APP: variants seen among roughly 807,000 people sequenced by gnomAD.
APP encodes the protein amyloid beta precursor protein.
In APP, 31 loss-of-function variants were observed where a neutral mutation model predicts 101.4. That is an observed-to-expected ratio of 0.31 (90% CI 0.23 to 0.41). The LOEUF (loss-of-function observed/expected upper bound fraction) is 0.41, where lower values mean the gene tolerates loss of function less well. APP is among the 10% of genes least tolerant of loss of function. APP has a pLI of 1.00. For synonymous variants in APP, 366 were observed against 364.4 expected (o/e 1.00, Z -0.05); for missense variants, 839 against 1,003.7 (o/e 0.84, Z 2.22).
intron 5 of APP, among the ~76,000 whole-genome samples, chr21:26,029,815 A>T (rs2044741522): frequency 6.6e-6 from 1 of 152,226 alleles, no homozygotes; most frequent in African/African-American, 2.4e-5. Flanking sequence ...TAAAAATGAC[A>T]GCAATATGTG....
intron 6 of APP, chr21:26,009,949 GT>G (rs1163582235): frequency 6.2e-6 from 1 of 161,104 alleles, no homozygotes; most frequent in Non-Finnish European, 1.4e-5. Context: ...TTCTGTTCCG[GT>G]TTAAAAAAAA....
At chr21:26,116,282 G>GA (rs1035551433) in intron 1 of APP, among the ~76,000 whole-genome samples, 18 of 151,938 alleles carry the variant, frequency 1.2e-4, no homozygotes, top group Non-Finnish European at 1.8e-4. Context: ...TTTGTTACCA[G>GA]AAAAAAAATA....
At position 25,954,590 on chromosome 21, in the gene APP, C is replaced by A; in HGVS notation, c.1687G>T (p.Asp563Tyr). ...AVAEEIQDEV[D>Y]ELLQKEQNYS... ...AGCATCAAAAGAACAGCTTACTTAC[C>A]AACTTCATCCTGAATCTCCTCGGCC... Residue 563 changes from aspartate to tyrosine, a missense_variant and splice_region_variant, in exon 13 of 18, where the codon GAT becomes TAT. Transcript: ENST00000346798. 1 of 1,612,128 alleles carries A rather than the reference C, an allele frequency of 6.2e-7. No individual in the cohort carries two copies.
At chr21:26,035,744 C>T (rs943901656) in intron 5 of APP, among the ~76,000 whole-genome samples, 59 of 152,136 alleles carry the variant, frequency 3.9e-4, no homozygotes, top group African/African-American at 1.3e-3. Context: ...AAGAAAGCAG[C>T]GCATGTGTCA....
chr21:25,911,660 A>T (rs2039075011), intron 14 of APP, 81 bp downstream of exon 14: 2 of 1,287,514 alleles, frequency 1.6e-6, no homozygotes, highest in Non-Finnish European at 2.2e-6. Context: ...CATACAAAAG[A>T]TAACTCTCTC....
At chr21:25,983,788 C>T (rs1490453847) in intron 8 of APP, among the ~76,000 whole-genome samples, 1 of 152,174 alleles carries the variant, frequency 6.6e-6, no homozygotes, top group Non-Finnish European at 1.5e-5. Flanking sequence ...TGCCTTTACA[C>T]AGCTGCCCCT....
Position 26,135,594 on chromosome 21 carries a change from T to C in APP, c.58-23448A>G, listed in dbSNP as rs145046885. Among the ~76,000 whole-genome samples, 971 of 152,268 alleles carry C rather than the reference T, an allele frequency of 6.4e-3. 5 individuals carry two copies. Among genetic ancestry groups the C allele is most frequent in the Non-Finnish European group, 1.0e-2 (678 of 68,010 alleles). ...AATTATATACAGAAGGCAGCACATT[T>C]AGCCTTATTATCTCAAACTCATTCC... is the stretch of plus-strand genomic sequence containing the variant. On this transcript the variant is annotated intron_variant, in intron 1 of 17. Coordinates refer to ENST00000346798, the MANE Select transcript of APP (RefSeq NM_000484.4).
At chr21:26,010,820 C>CAAAAAAAAAAAAAAAAAAAAAAAAAAA (rs58036272) in intron 6 of APP, among the ~76,000 whole-genome samples, 1 of 54,842 alleles carries the variant, frequency 1.8e-5, no homozygotes, top group African/African-American at 7.1e-5. Flanking sequence ...GACTTCGTCT[C>CAAAAAAAAAAAAAAAAAAAAAAAAAAA]AAAAAAAAAA....
chr21:25,893,989 T>A (rs1001491205), intron 16 of APP, among the ~76,000 whole-genome samples: 1 of 152,198 alleles, frequency 6.6e-6, no homozygotes, highest in Non-Finnish European at 1.5e-5. Context: ...AAGCCAAGAC[T>A]GACCATTGTA....
intron 1 of APP, among the ~76,000 whole-genome samples, chr21:26,152,472 T>C (rs905399712): frequency 3.3e-5 from 5 of 151,900 alleles, no homozygotes; most frequent in Admixed American, 6.6e-5. Context: ...TAGTATGAGA[T>C]TTAATGTTAA....
At chr21:25,989,340 T>C (rs962001212) in intron 8 of APP, among the ~76,000 whole-genome samples, 1 of 152,224 alleles carries the variant, frequency 6.6e-6, no homozygotes, top group African/African-American at 2.4e-5. Context: ...TTCATATTCA[T>C]ACTAATGTGG....
chr21:25,988,734 ATG>A (rs2042741545), intron 8 of APP, among the ~76,000 whole-genome samples: 7 of 146,594 alleles, frequency 4.8e-5, no homozygotes, highest in African/African-American at 1.3e-4. Flanking sequence ...GGAGACAAAG[ATG>A]AAGGTGGCTT....
At chr21:25,909,195 A>G (rs1014901432) in intron 14 of APP, among the ~76,000 whole-genome samples, 4 of 149,784 alleles carry the variant, frequency 2.7e-5, no homozygotes, top group Non-Finnish European at 5.9e-5. Flanking sequence ...CCTGGGAGGC[A>G]GAGTTTGCAG....
intron 1 of APP, among the ~76,000 whole-genome samples, chr21:26,138,661 C>A (rs1265555031): frequency 6.6e-6 from 1 of 151,978 alleles, no homozygotes; most frequent in Non-Finnish European, 1.5e-5. Context: ...CCATGGCACT[C>A]CATCCTGGGT....
rs548084636 is a variant in APP, at chr21:26,090,843, T to A, written c.226-771A>T. ...AAGTAATTTACATGAAAATAACTTA[T>A]CGAAAAGTTATCAAGGGTGTCATTT... is the stretch of plus-strand genomic sequence containing the variant. On this transcript the variant is annotated intron_variant, in intron 2 of 17. Coordinates refer to ENST00000346798, the MANE Select transcript of APP (RefSeq NM_000484.4). 2.4e-4 allele frequency among the ~76,000 whole-genome samples: 36 copies of A among 152,330 alleles called. 1 individual carries two copies. The highest frequency in any genetic ancestry group is 8.7e-4 in the African/African-American group (36 of 41,580).
chr21:25,993,124 G>C (rs2042933417), intron 8 of APP, among the ~76,000 whole-genome samples: 1 of 152,128 alleles, frequency 6.6e-6, no homozygotes, highest in Non-Finnish European at 1.5e-5. Context: ...TTGGAACCTG[G>C]GGATGGAACT....
intron 1 of APP, among the ~76,000 whole-genome samples, chr21:26,150,295 T>C (rs948958251): frequency 7.2e-5 from 11 of 152,064 alleles, no homozygotes; most frequent in Admixed American, 2.0e-4. Context: ...GTTATTTCAA[T>C]AAGGTTTGTT....
chr21:25,914,977 A>C (rs906837453), intron 13 of APP, among the ~76,000 whole-genome samples: 2 of 152,144 alleles, frequency 1.3e-5, no homozygotes, highest in African/African-American at 4.8e-5. Flanking sequence ...GCTGGTTTTT[A>C]TTTTACGTTT....
intron 5 of APP, among the ~76,000 whole-genome samples, chr21:26,034,277 C>T (rs1348160396): frequency 6.6e-6 from 1 of 152,196 alleles, no homozygotes; most frequent in Non-Finnish European, 1.5e-5. Flanking sequence ...TAATTCAAGA[C>T]TGCTTTCCCA....
Sources: allele counts gnomAD v4.1 joint callset (sites outside exome capture counted in the v4.1 genomes callset), GRCh38; gene constraint gnomAD v4.1.1; transcripts MANE v1.5; gene names NCBI Gene and HGNC (gene_info 2026-07-23, HGNC 2026-07-21).